Variants in ATP13A4 observed in about 807,000 individuals in gnomAD.
ATP13A4 encodes the protein ATPase 13A4.
Under a neutral mutation model 142.5 loss-of-function variants are expected in ATP13A4, and 114 were observed. The observed-to-expected ratio is 0.80, with a 90% CI of 0.69 to 0.93. The LOEUF is 0.93. Ranked by LOEUF, ATP13A4 falls within the 40% of genes least tolerant of loss-of-function variation. ATP13A4 has a pLI of 0.00. For missense variants in ATP13A4, 1,392 were observed against 1,454.0 expected (o/e 0.96, Z 0.69); for synonymous variants, 488 against 514.8 (o/e 0.95, Z 0.70).
rs940464338 is a variant in ATP13A4 at position 193,475,015 on chromosome 3, C to T, written c.809-4022G>A. Among the ~76,000 whole-genome samples, 19 of 152,098 alleles carry T rather than the reference C, an allele frequency of 1.2e-4. No homozygotes were observed. The South Asian group carries it at 3.9e-3, about 32-fold the overall frequency. ...CCAGCGCATTCTATTGTCAAGGCTG[C>T]GAGGAATCAGTCACTGACACATTTC... On this transcript the variant is annotated intron_variant, in intron 8 of 29. Coordinates refer to ENST00000342695, the MANE Select transcript of ATP13A4 (RefSeq NM_032279.4).
chr3:193,538,494 CA>C (rs1460929971), intron 1 of ATP13A4, among the ~76,000 whole-genome samples: 5 of 129,392 alleles, frequency 3.9e-5, no homozygotes, highest in African/African-American at 1.4e-4. Flanking sequence ...GAAGAATCCA[CA>C]TTAAAAAAAA....
At chr3:193,455,173 C>T (rs957398589) in intron 16 of ATP13A4, among the ~76,000 whole-genome samples, 3 of 151,772 alleles carry the variant, frequency 2.0e-5, no homozygotes, top group African/African-American at 7.3e-5. Context: ...CCCGTCTCTA[C>T]TAAAAATACA....
At chr3:193,551,736 C>T (rs557899668) in intron 1 of ATP13A4, among the ~76,000 whole-genome samples, 11 of 152,296 alleles carry the variant, frequency 7.2e-5, no homozygotes, top group Middle Eastern at 3.4e-3. Flanking sequence ...CCAGGCCTCC[C>T]GTCCCGTCCC....
rs77838576 is a variant in ATP13A4, at chr3:193,482,884, A to C, written c.808+1052T>G. Among the ~76,000 whole-genome samples the C allele has an allele frequency of 3.3e-3, 496 of 152,338 alleles. 18 individuals are homozygous for C. In the East Asian group the frequency reaches 0.06, roughly 18 times the overall value. ...ATCTAGTACATGACCCAGCTGTTCT[A>C]TAGCTAGGTATTTTCCCATAAGAAA... On this transcript the variant is annotated intron_variant, in intron 8 of 29. Transcript: ENST00000342695.
intron 21 of ATP13A4, 153 bp from the exon 22 acceptor site, chr3:193,439,218 T>G: frequency 1.3e-6 from 1 of 770,060 alleles, no homozygotes; most frequent in Non-Finnish European, 2.2e-6. Flanking sequence ...AAAAGTGTGA[T>G]TCAGCAGTTA....
intron 2 of ATP13A4, among the ~76,000 whole-genome samples, chr3:193,510,772 T>C (rs942759149): frequency 1.1e-4 from 16 of 152,142 alleles, no homozygotes; most frequent in Non-Finnish European, 1.8e-4. Context: ...TCTGTGATAA[T>C]GATCTGTAAT....
At chr3:193,434,855 G>A (rs951640194) in intron 24 of ATP13A4, among the ~76,000 whole-genome samples, 1 of 152,114 alleles carries the variant, frequency 6.6e-6, no homozygotes, top group African/African-American at 2.4e-5. Flanking sequence ...TGATATGCCA[G>A]TTTTCACATC....
rs142824546 is a variant in ATP13A4 at position 193,471,374 on chromosome 3, A to G, written c.809-381T>C. ...GCCTAGCTGTTTGAGACCAACCTGG[A>G]CAATATAGCGGGAGCCCTATCTATC... On this transcript the variant is annotated intron_variant, in intron 8 of 29. Coordinates refer to ENST00000342695, the MANE Select transcript of ATP13A4 (RefSeq NM_032279.4). 5.4e-3 allele frequency among the ~76,000 whole-genome samples: 815 copies of G among 152,210 alleles called. 5 individuals carry two copies. The highest frequency in any genetic ancestry group is 0.019 in the African/African-American group (779 of 41,532).
chr3:193,417,235 T>C (rs1715111563), intron 25 of ATP13A4, among the ~76,000 whole-genome samples: 1 of 152,202 alleles, frequency 6.6e-6, no homozygotes, highest in Admixed American at 6.5e-5. Flanking sequence ...AGGGCTCAGA[T>C]TGAAATGAAA....
chr3:193,576,066 C>T (rs948181912), intron 2 of ATP13A4, among the ~76,000 whole-genome samples: 3 of 151,942 alleles, frequency 2.0e-5, no homozygotes, highest in Non-Finnish European at 2.9e-5. Context: ...GCTAGCCATC[C>T]GCAAGGAAGA....
chr3:193,530,279 A>C (rs1240897284), intron 1 of ATP13A4, among the ~76,000 whole-genome samples: 1 of 151,370 alleles, frequency 6.6e-6, no homozygotes, highest in East Asian at 1.9e-4. Flanking sequence ...TTTTTCTCCT[A>C]GGGAAAAAAA....
intron 1 of ATP13A4, among the ~76,000 whole-genome samples, chr3:193,548,310 G>A (rs1285315127): frequency 1.3e-5 from 2 of 152,162 alleles, no homozygotes; most frequent in South Asian, 2.1e-4. Context: ...GAGTTTTTGT[G>A]CCAGGTACTG....
At chr3:193,403,021 C>T (rs1714326791) in intron 29 of ATP13A4, among the ~76,000 whole-genome samples, 157 bp from the exon 30 acceptor site, 1 of 152,126 alleles carries the variant, frequency 6.6e-6, no homozygotes, top group South Asian at 2.1e-4. Flanking sequence ...TTTCATTGGA[C>T]AGGTATTGGT....
rs371104610 is a variant in ATP13A4, at chr3:193,554,835, C to T, written c.-36G>A. 73 of 1,613,702 alleles carry T rather than the reference C, an allele frequency of 4.5e-5. No homozygotes were observed. The highest frequency in any genetic ancestry group is 5.1e-5 in the Non-Finnish European group (60 of 1,180,004). On this transcript the variant is annotated 5_prime_UTR_variant, in exon 1 of 30. Transcript: ENST00000342695. ...TTCCACACCTCCTCCCTGACCTTGTCGTGCAGACGCTTCCAGGATGAACTC... is the reference window on the plus strand; with the variant it reads ...TTCCACACCTCCTCCCTGACCTTGTTGTGCAGACGCTTCCAGGATGAACTC...
At chr3:193,404,433 A>G (rs1714393947) in intron 29 of ATP13A4, among the ~76,000 whole-genome samples, 1 of 152,190 alleles carries the variant, frequency 6.6e-6, no homozygotes. Context: ...AGGCAGAACT[A>G]GTGACATGAT....
At chr3:193,534,920 A>C (rs1722514717) in intron 1 of ATP13A4, among the ~76,000 whole-genome samples, 1 of 152,086 alleles carries the variant, frequency 6.6e-6, no homozygotes, top group Non-Finnish European at 1.5e-5. Context: ...TACAAAAAGA[A>C]GCATAATAGT....
At chr3:193,574,063 A>G (rs1408283383) in intron 2 of ATP13A4, among the ~76,000 whole-genome samples, 8 of 152,236 alleles carry the variant, frequency 5.3e-5, no homozygotes, top group Non-Finnish European at 8.8e-5. Flanking sequence ...ACATGTTTAT[A>G]TAAAGAATAG....
At chr3:193,409,210 C>T (rs1560168062) in intron 28 of ATP13A4, among the ~76,000 whole-genome samples, 1 of 151,940 alleles carries the variant, frequency 6.6e-6, no homozygotes, top group Non-Finnish European at 1.5e-5. Context: ...CAACATGATT[C>T]CATCCTTTTA....
intron 1 of ATP13A4, among the ~76,000 whole-genome samples, chr3:193,540,527 CAAAAAAAAAAAAAAA>C (rs11360543): frequency 2.2e-5 from 1 of 44,782 alleles, no homozygotes; most frequent in African/African-American, 9.0e-5. Flanking sequence ...GGCTCTCTGC[CAAAAAAAAAAAAAAA>C]AAAAAAAAAA....
Sources: gnomAD v4.1 joint callset for allele counts (sites outside exome capture counted in the v4.1 genomes callset) on GRCh38, gnomAD v4.1.1 for gene constraint, MANE v1.5 for transcripts, NCBI Gene and HGNC (gene_info 2026-07-23, HGNC 2026-07-21) for gene names.